Variants in ARHGAP6 observed in about 807,000 individuals in gnomAD.
ARHGAP6 encodes the protein rho GTPase-activating protein 6.
ARHGAP6 carries 16 observed loss-of-function variants against 55.7 expected under a neutral mutation model. The observed-to-expected ratio is 0.29, with a 90% confidence interval of 0.19 to 0.44. The LOEUF is 0.44. Among genes scored for constraint, ARHGAP6 ranks in the 20% least tolerant of loss-of-function variants. ARHGAP6 has a pLI of 1.00. For synonymous variants in ARHGAP6, 382 were observed against 360.9 expected, an observed-to-expected ratio of 1.06 and a Z score of -0.66; for missense variants, 698 against 808.9, an observed-to-expected ratio of 0.86 and a Z score of 1.66.
intron 2 of ARHGAP6, among the ~76,000 whole-genome samples, chrX:11,227,431 T>A (rs977421264): frequency 8.9e-5 from 10 of 111,977 alleles, no homozygotes; most frequent in African/African-American, 2.9e-4. Context: ...AAATCCCTAC[T>A]GAGGCTGCCC....
chrX:11,178,757 G>A (rs1236972224), intron 7 of ARHGAP6, among the ~76,000 whole-genome samples: 1 of 112,251 alleles, frequency 8.9e-6, no homozygotes, highest in African/African-American at 3.2e-5. Context: ...CTATTTGAAT[G>A]GCAGCATTGG....
chrX:11,469,471 G>A (rs1647034566), intron 1 of ARHGAP6, among the ~76,000 whole-genome samples: 1 of 111,991 alleles, frequency 8.9e-6, no homozygotes, highest in Non-Finnish European at 1.9e-5. Context: ...ATAGATATGT[G>A]CATGCATATA....
intron 1 of ARHGAP6, among the ~76,000 whole-genome samples, chrX:11,452,931 T>C (rs1283882019): frequency 3.6e-5 from 4 of 110,942 alleles, no homozygotes; most frequent in African/African-American, 1.3e-4. Context: ...AGTCAAGTTT[T>C]CCAAATCTAC....
intron 1 of ARHGAP6, chrX:11,294,755 T>C (rs767197248): frequency 8.3e-7 from 1 of 1,202,310 alleles, no homozygotes. Flanking sequence ...ATAAGAAAAG[T>C]GGATGTTGAC....
rs2047470289 is a variant in ARHGAP6, at chrX:11,254,724, A to G, written c.589-17T>C. 1 of 1,129,033 alleles carries G rather than the reference A, an allele frequency of 8.9e-7. No homozygotes were observed. Among genetic ancestry groups the G allele is most frequent in the African/African-American group, 1.9e-5 (1 of 53,448 alleles). The allele number at this position is 1,129,033 out of a possible 1,213,427, so 93.0% of individuals were successfully genotyped here. A position where few individuals can be genotyped will look rare whatever the true frequency, so the allele number is the denominator to read the frequency against. On this transcript the variant is annotated splice_polypyrimidine_tract_variant and intron_variant, in intron 1 of 12. Coordinates refer to ENST00000337414, the MANE Select transcript of ARHGAP6 (RefSeq NM_013427.3). Reference sequence around the variant, plus strand: ...GAAATCACCCTGTAGGCCAAAAAAAAAAAAAAAAAAAAAATCAAGAGTTAC... The same window carrying G: ...GAAATCACCCTGTAGGCCAAAAAAAGAAAAAAAAAAAAAATCAAGAGTTAC...
chrX:11,143,397 G>T, intron 11 of ARHGAP6: 2 of 210,986 alleles, frequency 9.5e-6, no homozygotes, highest in Non-Finnish European at 1.4e-5. Context: ...ATTAAATACT[G>T]TTATCATTCT....
At position 11,348,990 on chromosome X, in the gene ARHGAP6, C is replaced by T. The variant is rs750286098; in HGVS notation, c.589-94283G>A. Among the ~76,000 whole-genome samples the T allele has an allele frequency of 5.5e-5, 6 of 109,461 alleles. No homozygotes were observed. The East Asian group carries it at 1.7e-3, about 31-fold the overall frequency. On this transcript the variant is annotated intron_variant, in intron 1 of 12. Coordinates refer to ENST00000337414, the MANE Select transcript of ARHGAP6 (RefSeq NM_013427.3). ...AAAATAGGCCAGGCACTAAGCTTCT[C>T]TTACTCTCAAATTGTATTACCCTTA...
At chrX:11,404,569 GT>G (rs2049588537) in intron 1 of ARHGAP6, among the ~76,000 whole-genome samples, 1 of 111,921 alleles carries the variant, frequency 8.9e-6, no homozygotes, top group East Asian at 2.8e-4. Context: ...CAGTTCATAA[GT>G]TTTTTACCCT....
chrX:11,215,804 G>A (rs973382585), intron 2 of ARHGAP6, among the ~76,000 whole-genome samples: 2 of 112,397 alleles, frequency 1.8e-5, no homozygotes, highest in African/African-American at 6.5e-5. Flanking sequence ...TCTGCGCGGG[G>A]GGCACACAGG....
At chrX:11,625,824 A>G (rs753815633) in intron 1 of ARHGAP6, among the ~76,000 whole-genome samples, 1 of 111,769 alleles carries the variant, frequency 8.9e-6, no homozygotes, top group East Asian at 2.8e-4. Context: ...TGATGTATCC[A>G]TGAAAATGAA....
chrX:11,574,499 G>C (rs112093610), intron 1 of ARHGAP6, among the ~76,000 whole-genome samples: 23,750 of 105,443 alleles, frequency 0.23, 2,389 homozygotes, highest in Middle Eastern at 0.33. Flanking sequence ...AATAGATGCA[G>C]AAAAGGCCTT....
chrX:11,172,421 A>G (rs1046271495), intron 8 of ARHGAP6, among the ~76,000 whole-genome samples: 14 of 111,431 alleles, frequency 1.3e-4, no homozygotes, highest in African/African-American at 4.6e-4. Context: ...AATACGTGTC[A>G]TTTTCAAATT....
At chrX:11,364,437 C>T (rs2049049793) in intron 1 of ARHGAP6, among the ~76,000 whole-genome samples, 1 of 110,501 alleles carries the variant, frequency 9.0e-6, no homozygotes, top group Non-Finnish European at 1.9e-5. Context: ...ACTTTATTAG[C>T]AGCCTCAGTT....
At chrX:11,547,367 C>T in intron 1 of ARHGAP6, among the ~76,000 whole-genome samples, 1 of 112,085 alleles carries the variant, frequency 8.9e-6, no homozygotes, top group Admixed American at 9.4e-5. Flanking sequence ...TTTCACAGAT[C>T]TGGTTGGGGC....
chrX:11,606,401 T>C, intron 1 of ARHGAP6, among the ~76,000 whole-genome samples: 1 of 111,887 alleles, frequency 8.9e-6, no homozygotes, highest in Non-Finnish European at 1.9e-5. Flanking sequence ...ACCCCAAGAA[T>C]GTGCTCTTGT....
intron 1 of ARHGAP6, among the ~76,000 whole-genome samples, chrX:11,262,540 A>T (rs1378658384): frequency 9.0e-6 from 1 of 111,410 alleles, no homozygotes; most frequent in East Asian, 2.8e-4. Context: ...ATCTCATCCA[A>T]CTGTAAACTC....
chrX:11,526,878 C>T (rs2050994503), intron 1 of ARHGAP6, among the ~76,000 whole-genome samples: 1 of 111,377 alleles, frequency 9.0e-6, no homozygotes, highest in South Asian at 3.7e-4. Context: ...AATTACCATG[C>T]TTAGTAATTC....
In ARHGAP6 at chrX:11,214,257, G is replaced by GCACACACA. The variant is rs35340720; in HGVS notation, c.749-17269_749-17262dup. ...ATATAAAAGGAAAACCTTTGCTTAA[G>GCACACACA]CACACACACACACACACACACACAC... On this transcript the variant is annotated intron_variant, in intron 2 of 12. Coordinates refer to ENST00000337414, the MANE Select transcript of ARHGAP6 (RefSeq NM_013427.3). 3.0e-5 allele frequency among the ~76,000 whole-genome samples: 3 copies of GCACACACA among 100,969 alleles called. No individual in the cohort carries two copies. In the Admixed American group the frequency reaches 3.2e-4, roughly 11 times the overall value. The allele number at this position is 100,969 out of a possible 115,157, so 87.7% of individuals were successfully genotyped here. A position where few individuals can be genotyped will look rare whatever the true frequency, so the allele number is the denominator to read the frequency against.
chrX:11,325,110 G>A (rs776271861), intron 1 of ARHGAP6, among the ~76,000 whole-genome samples: 4 of 112,011 alleles, frequency 3.6e-5, no homozygotes, highest in Non-Finnish European at 3.8e-5. Context: ...CACCCGCCTC[G>A]GCCTCCCAAA....
Sources: allele counts gnomAD v4.1 joint callset (sites outside exome capture counted in the v4.1 genomes callset), GRCh38; gene constraint gnomAD v4.1.1; transcripts MANE v1.5; gene names NCBI Gene and HGNC (gene_info 2026-07-23, HGNC 2026-07-21).